The following RGS22 variants were observed in gnomAD, a reference collection of about 807,000 sequenced individuals.
RGS22 encodes regulator of G protein signaling 22.
Under a neutral mutation model 172.9 loss-of-function variants are expected in RGS22, and 148 were observed. The observed-to-expected ratio is 0.86, with a 90% CI of 0.75 to 0.98. The LOEUF (loss-of-function observed/expected upper bound fraction) is 0.98, where lower values mean the gene tolerates loss of function less well. RGS22 is among the 50% of genes least tolerant of loss of function. The probability of loss-of-function intolerance (pLI) is 0.00; values close to 1 mark genes in which losing one functional copy is unlikely to be tolerated. For synonymous variants in RGS22, 458 were observed against 480.2 expected, an observed-to-expected ratio of 0.95 and a Z score of 0.60; for missense variants, 1,347 against 1,440.8, an observed-to-expected ratio of 0.93 and a Z score of 1.05.
intron 14 of RGS22, among the ~76,000 whole-genome samples, chr8:100,033,134 A>G (rs1819029006): frequency 6.6e-6 from 1 of 152,180 alleles, no homozygotes; most frequent in South Asian, 2.1e-4. Context: ...AAACAAATCC[A>G]AAAGCTAGCA....
At chr8:100,027,622 A>G (rs1818322113) in intron 14 of RGS22, among the ~76,000 whole-genome samples, 2 of 152,134 alleles carry the variant, frequency 1.3e-5, no homozygotes, top group South Asian at 4.1e-4. Flanking sequence ...AACTGGGAAT[A>G]CAGGCATGTA....
intron 9 of RGS22, among the ~76,000 whole-genome samples, chr8:100,060,421 T>C (rs200953715): frequency 0.01 from 1,224 of 119,486 alleles, 41 homozygotes; most frequent in African/African-American, 0.031. Context: ...TATATATATA[T>C]ACACACACAC....
chr8:100,026,317 T>A (rs755314841), intron 14 of RGS22, among the ~76,000 whole-genome samples: 3 of 152,220 alleles, frequency 2.0e-5, no homozygotes, highest in Non-Finnish European at 4.4e-5. Flanking sequence ...TAGCAATAAA[T>A]AATTACTGAA....
intron 14 of RGS22, among the ~76,000 whole-genome samples, chr8:100,027,039 G>A (rs571203050): frequency 7.9e-5 from 12 of 152,170 alleles, no homozygotes; most frequent in Admixed American, 2.6e-4. Flanking sequence ...AGACAAGCCT[G>A]GGCAACATGT....
At chr8:100,004,516 T>C (rs1815467847) in intron 16 of RGS22, 1 of 151,136 alleles carries the variant, frequency 6.6e-6, no homozygotes. Context: ...GTGTAGTTTA[T>C]AAAAAATGAA....
At chr8:100,036,733 C>T (rs1329728895) in intron 14 of RGS22, among the ~76,000 whole-genome samples, 5 of 151,536 alleles carry the variant, frequency 3.3e-5, no homozygotes, top group East Asian at 1.9e-4. Flanking sequence ...TCAGTACCTA[C>T]GACTACAGGT....
chr8:100,046,590 G>A (rs1205074480), intron 11 of RGS22: 3 of 149,050 alleles, frequency 2.0e-5, no homozygotes, highest in African/African-American at 7.5e-5. Flanking sequence ...GGCAGAGAAG[G>A]TGATTTGGAT....
chr8:100,039,845 T>C (rs1472906611), intron 13 of RGS22, 117 bp downstream of exon 13: 1 of 548,248 alleles, frequency 1.8e-6, no homozygotes, highest in Non-Finnish European at 2.9e-6. Flanking sequence ...TGAATTTTCT[T>C]ATCACAGATG....
intron 22 of RGS22, among the ~76,000 whole-genome samples, chr8:99,981,662 T>C (rs895999608): frequency 1.3e-5 from 2 of 151,732 alleles, no homozygotes; most frequent in Admixed American, 6.6e-5. Flanking sequence ...TTGTCAAATA[T>C]GAATAACGTA....
At chr8:99,977,270 A>ATTTCTTTTTTTTTTTTT (rs1428079850) in intron 23 of RGS22, among the ~76,000 whole-genome samples, 11 of 120,388 alleles carry the variant, frequency 9.1e-5, no homozygotes, top group Non-Finnish European at 1.9e-4. Flanking sequence ...CGCCCGGTTA[A>ATTTCTTTTTTTTTTTTT]TTTTTTTTTT....
In RGS22 at chr8:100,051,848, T is replaced by A. The variant is rs1188109289; in HGVS notation, c.1689+954A>T. Among the ~76,000 whole-genome samples the A allele has an allele frequency of 3.3e-4, 23 of 68,884 alleles. 8 individuals carry two copies. The highest frequency in any genetic ancestry group is 5.9e-4 in the Admixed American group (2 of 3,368). The allele number at this position is 68,884 out of a possible 152,430, so 45.2% of individuals were successfully genotyped here. A position where few individuals can be genotyped will look rare whatever the true frequency, so the allele number is the denominator to read the frequency against. On this transcript the variant is annotated intron_variant, in intron 10 of 27. Coordinates refer to ENST00000360863, the MANE Select transcript of RGS22 (RefSeq NM_015668.5). ...TTATATATAAATGTTTATATATTTATATATTTATATATAAATGTTTATATA... is the reference window on the plus strand; with the variant it reads ...TTATATATAAATGTTTATATATTTAAATATTTATATATAAATGTTTATATA...
At chr8:100,013,588 A>G (rs1816649493) in intron 14 of RGS22, among the ~76,000 whole-genome samples, 1 of 152,122 alleles carries the variant, frequency 6.6e-6, no homozygotes, top group African/African-American at 2.4e-5. Flanking sequence ...ATTGTATCCA[A>G]TTGCCTTGGG....
At chr8:100,105,844 T>TGCGGCCCCGACGCC (rs1290313675) in intron 1 of RGS22, 53 bp downstream of exon 1, 7 of 1,447,096 alleles carry the variant, frequency 4.8e-6, no homozygotes, top group African/African-American at 1.5e-5. Context: ...TGGCGCGTGG[T>TGCGGCCCCGACGCC]GCGGCCCCGA....
chr8:100,036,283 C>T (rs899321501), intron 14 of RGS22, among the ~76,000 whole-genome samples: 3 of 152,126 alleles, frequency 2.0e-5, no homozygotes, highest in Non-Finnish European at 4.4e-5. Context: ...TGATAATTCC[C>T]TTTCTCCTTG....
At chr8:100,003,476 T>C (rs918066687) in intron 17 of RGS22, among the ~76,000 whole-genome samples, 3 of 151,946 alleles carry the variant, frequency 2.0e-5, no homozygotes, top group Admixed American at 1.3e-4. Flanking sequence ...TAGATAAATA[T>C]GTTATAAGGT....
chr8:100,087,236 A>G (rs1200933639), intron 3 of RGS22, among the ~76,000 whole-genome samples: 1 of 152,184 alleles, frequency 6.6e-6, no homozygotes, highest in East Asian at 1.9e-4. Context: ...AGAATGCTCA[A>G]CCTTAAATCA....
At chr8:100,017,437 G>C (rs992203927) in intron 14 of RGS22, among the ~76,000 whole-genome samples, 5 of 152,154 alleles carry the variant, frequency 3.3e-5, no homozygotes, top group African/African-American at 1.2e-4. Context: ...GGACACAGGT[G>C]GTTAAGAGAG....
At chr8:100,006,285 A>T (rs1384176401) in intron 15 of RGS22, among the ~76,000 whole-genome samples, 176 bp from the exon 16 acceptor site, 1 of 152,228 alleles carries the variant, frequency 6.6e-6, no homozygotes, top group African/African-American at 2.4e-5. Flanking sequence ...AGGATGCAAT[A>T]AAAAATGCAT....
intron 14 of RGS22, among the ~76,000 whole-genome samples, chr8:100,034,565 C>T (rs1162484508): frequency 6.6e-6 from 1 of 152,090 alleles, no homozygotes; most frequent in Non-Finnish European, 1.5e-5. Flanking sequence ...GATTCAATGC[C>T]ATCCCCATCA....
Sources: gnomAD v4.1 joint callset for allele counts (sites outside exome capture counted in the v4.1 genomes callset) on GRCh38, gnomAD v4.1.1 for gene constraint, MANE v1.5 for transcripts, NCBI Gene and HGNC (gene_info 2026-07-23, HGNC 2026-07-21) for gene names.